FHIT: variants seen among roughly 807,000 people sequenced by gnomAD.
FHIT encodes fragile histidine triad diadenosine triphosphatase, also known as bis(5'-adenosyl)-triphosphatase.
FHIT carries 19 observed loss-of-function variants against 17.9 expected under a neutral mutation model. The observed-to-expected ratio is 1.06, with a 90% confidence interval of 0.74 to 1.56. The LOEUF (loss-of-function observed/expected upper bound fraction) is 1.56, where lower values mean the gene tolerates loss of function less well. FHIT is among the 40% of genes most tolerant of loss of function. The pLI, the probability that FHIT is intolerant of heterozygous loss-of-function variation, is 0.00. For missense variants in FHIT, 248 were observed against 189.2 expected (o/e 1.31, Z -1.82); for synonymous variants, 81 against 69.7 (o/e 1.16, Z -0.81).
At chr3:59,909,003 A>C (rs1704732687) in intron 8 of FHIT, among the ~76,000 whole-genome samples, 1 of 151,956 alleles carries the variant, frequency 6.6e-6, no homozygotes, top group African/African-American at 2.4e-5. Flanking sequence ...TCACATCAGC[A>C]CAACTGGCTA....
At chr3:59,859,651 C>T (rs1330744456) in intron 8 of FHIT, among the ~76,000 whole-genome samples, 3 of 152,130 alleles carry the variant, frequency 2.0e-5, no homozygotes, top group East Asian at 1.9e-4. Flanking sequence ...AGCTGGGAGG[C>T]GGAGGTTGCA....
chr3:61,025,611 T>C (rs1287939890), intron 3 of FHIT, among the ~76,000 whole-genome samples: 1 of 152,212 alleles, frequency 6.6e-6, no homozygotes, highest in Non-Finnish European at 1.5e-5. Flanking sequence ...AATACGGAAT[T>C]ATCCAATAAA....
chr3:61,100,621 T>C (rs6797229), intron 2 of FHIT, among the ~76,000 whole-genome samples: 67,279 of 152,072 alleles, frequency 0.44, 16,299 homozygotes, highest in Non-Finnish European at 0.55. Context: ...TTCTAGATAA[T>C]TGAGGAATTG....
chr3:60,152,579 G>T (rs190873724), intron 5 of FHIT, among the ~76,000 whole-genome samples: 2 of 152,270 alleles, frequency 1.3e-5, no homozygotes, highest in East Asian at 3.9e-4. Flanking sequence ...GTCAAGGGGA[G>T]ATTCAAGAAG....
At chr3:60,713,566 A>G (rs1475499478) in intron 4 of FHIT, among the ~76,000 whole-genome samples, 1 of 152,048 alleles carries the variant, frequency 6.6e-6, no homozygotes, top group Non-Finnish European at 1.5e-5. Flanking sequence ...GAAGAATCAA[A>G]TAGACACAAT....
chr3:60,981,141 C>T (rs978067982), intron 3 of FHIT, among the ~76,000 whole-genome samples: 1 of 152,174 alleles, frequency 6.6e-6, no homozygotes, highest in African/African-American at 2.4e-5. Flanking sequence ...GCATGAAAGC[C>T]ATGCTGGGAT....
At chr3:60,744,068 C>G (rs1373613357) in intron 4 of FHIT, among the ~76,000 whole-genome samples, 1 of 151,862 alleles carries the variant, frequency 6.6e-6, no homozygotes, top group Non-Finnish European at 1.5e-5. Context: ...TTTGTTTTGG[C>G]CTTAAACCAA....
At chr3:60,350,063 T>G (rs1342363429) in intron 5 of FHIT, among the ~76,000 whole-genome samples, 1 of 152,178 alleles carries the variant, frequency 6.6e-6, no homozygotes, top group Non-Finnish European at 1.5e-5. Flanking sequence ...ATGCTGTAAG[T>G]AATGACTAGG....
chr3:60,223,573 C>A (rs1392758106), intron 5 of FHIT, among the ~76,000 whole-genome samples: 1 of 152,122 alleles, frequency 6.6e-6, no homozygotes, highest in African/African-American at 2.4e-5. Context: ...TTGAGAAACC[C>A]TACTGAAAAC....
chr3:60,120,626 A>G (rs1011300648), intron 5 of FHIT, among the ~76,000 whole-genome samples: 2 of 152,100 alleles, frequency 1.3e-5, no homozygotes, highest in African/African-American at 4.8e-5. Flanking sequence ...AATGGGAAAC[A>G]TTCTAAACAG....
intron 4 of FHIT, among the ~76,000 whole-genome samples, chr3:60,623,651 A>G (rs556738185): frequency 6.6e-6 from 1 of 152,354 alleles, no homozygotes; most frequent in African/African-American, 2.4e-5. Flanking sequence ...AGGCTCAGTT[A>G]AAGCAGAAGG....
chr3:60,185,711 G>T (rs144669690), intron 5 of FHIT, among the ~76,000 whole-genome samples: 194 of 152,194 alleles, frequency 1.3e-3, no homozygotes, highest in Middle Eastern at 3.4e-3. Context: ...CTTTCAAAGC[G>T]CCTGTGCTAT....
chr3:60,414,626 C>T (rs947287659), intron 5 of FHIT, among the ~76,000 whole-genome samples: 1 of 152,126 alleles, frequency 6.6e-6, no homozygotes, highest in Non-Finnish European at 1.5e-5. Context: ...CAAAGCATTG[C>T]TATATTAACA....
At chr3:61,135,834 T>C (rs1309221601) in intron 2 of FHIT, among the ~76,000 whole-genome samples, 2 of 152,174 alleles carry the variant, frequency 1.3e-5, no homozygotes, top group East Asian at 1.9e-4. Context: ...TGTTTAGATA[T>C]AGAAAACTGA....
chr3:61,135,881 A>G (rs2036901829), intron 2 of FHIT, among the ~76,000 whole-genome samples: 1 of 152,208 alleles, frequency 6.6e-6, no homozygotes, highest in Non-Finnish European at 1.5e-5. Context: ...AAAAGCACAG[A>G]GCTAGTTGAA....
At chr3:60,783,167 G>A (rs1700449732) in intron 4 of FHIT, among the ~76,000 whole-genome samples, 2 of 151,366 alleles carry the variant, frequency 1.3e-5, no homozygotes, top group African/African-American at 4.9e-5. Context: ...TTTTTTTGTA[G>A]AAACAGTTTC....
intron 4 of FHIT, among the ~76,000 whole-genome samples, chr3:60,622,992 C>T (rs1224761515): frequency 1.3e-5 from 2 of 152,172 alleles, no homozygotes; most frequent in Admixed American, 6.5e-5. Context: ...GACAGTCGTA[C>T]ACCTTAACTT....
chr3:60,196,600 T>C (rs1379764572), intron 5 of FHIT, among the ~76,000 whole-genome samples: 2 of 152,074 alleles, frequency 1.3e-5, no homozygotes, highest in Admixed American at 1.3e-4. Context: ...TGGGGGATCA[T>C]TATTCCACCT....
intron 3 of FHIT, among the ~76,000 whole-genome samples, chr3:60,831,690 A>T (rs1165092579): frequency 6.6e-6 from 1 of 152,198 alleles, no homozygotes; most frequent in African/African-American, 2.4e-5. Context: ...TAATTTAATC[A>T]TCCTAACAAC....
Sources: allele counts gnomAD v4.1 joint callset (sites outside exome capture counted in the v4.1 genomes callset), GRCh38; gene constraint gnomAD v4.1.1; transcripts MANE v1.5; gene names NCBI Gene and HGNC (gene_info 2026-07-23, HGNC 2026-07-21).